Variants in LMX1B observed in about 807,000 individuals in gnomAD.
The protein encoded by LMX1B is LIM homeobox transcription factor 1-beta.
A neutral mutation model predicts 51.4 loss-of-function variants in LMX1B; 12 were observed. That is an observed-to-expected ratio of 0.23 (90% confidence interval 0.15 to 0.38). The LOEUF (loss-of-function observed/expected upper bound fraction) is 0.38. Ranked by LOEUF, LMX1B falls within the 10% of genes least tolerant of loss-of-function variation. The probability of loss-of-function intolerance (pLI) is 1.00; values close to 1 mark genes in which losing one functional copy is unlikely to be tolerated. For synonymous variants in LMX1B, 237 were observed against 235.4 expected, an observed-to-expected ratio of 1.01 and a Z score of -0.06; for missense variants, 445 against 571.1, an observed-to-expected ratio of 0.78 and a Z score of 2.25.
intron 2 of LMX1B, among the ~76,000 whole-genome samples, chr9:126,681,935 CA>C (rs1836682558): frequency 6.6e-6 from 1 of 151,320 alleles, no homozygotes; most frequent in Non-Finnish European, 1.5e-5. Context: ...AATAAAATGC[CA>C]ATCAGATCAC....
intron 2 of LMX1B, among the ~76,000 whole-genome samples, chr9:126,652,007 G>A (rs1190412819): frequency 1.3e-5 from 2 of 151,844 alleles, no homozygotes; most frequent in African/African-American, 4.8e-5. Context: ...AGATGGGGGG[G>A]GGCCTGCCTG....
Position 126,617,691 on chromosome 9 carries a change from G to C in LMX1B, c.326+2122G>C, listed in dbSNP as rs768027885. 7.7e-4 allele frequency among the ~76,000 whole-genome samples: 118 copies of C among 152,272 alleles called. 1 individual carries two copies. The highest frequency in any genetic ancestry group is 8.2e-4 in the Non-Finnish European group (56 of 68,020). On this transcript the variant is annotated intron_variant, in intron 2 of 7. Transcript: ENST00000373474. The stretch of plus-strand genomic sequence containing the variant: ...AAAGGAAAGAGTCACCTAACAGCCA[G>C]CTTCTTCAGTGCAGTCCGGTGTGTT...
Position 126,696,542 on chromosome 9 carries a change from G to A in LMX1B, c.*91G>A, listed in dbSNP as rs1465177691. ...CCTGGCCACCCCCGCCCTGCTCTCCGCACAGACTACAGACAGCCATACGGT... is the reference window on the plus strand; with the variant it reads ...CCTGGCCACCCCCGCCCTGCTCTCCACACAGACTACAGACAGCCATACGGT... On this transcript the variant is annotated 3_prime_UTR_variant, in exon 8 of 8. Transcript: ENST00000373474. The A allele has an allele frequency of 2.9e-5, 42 of 1,470,998 alleles. No individual in the cohort carries two copies. Among genetic ancestry groups the A allele is most frequent in the Middle Eastern group, 1.7e-4 (1 of 5,722 alleles). The allele number at this position is 1,470,998 out of a possible 1,614,324, so 91.1% of individuals were successfully genotyped here.
rs1835294331 is a variant in LMX1B, at chr9:126,615,849, T to A, written c.326+280T>A. Among the ~76,000 whole-genome samples, 1 of 152,188 alleles carries A rather than the reference T, an allele frequency of 6.6e-6. No homozygotes were observed. The highest frequency in any genetic ancestry group is 6.5e-5 in the Admixed American group (1 of 15,288). Reference sequence around the variant, plus strand: ...GCCGAGGGATTTGGTGCCTGGGTCCTGGGATATAGGGTCTGGCGCTACGGA... The same window carrying A: ...GCCGAGGGATTTGGTGCCTGGGTCCAGGGATATAGGGTCTGGCGCTACGGA... On this transcript the variant is annotated intron_variant, in intron 2 of 7. Transcript: ENST00000373474. This position sits in a 1 kb window ranked among gnomAD's most constrained non-coding sequence, Gnocchi z 6.0.
At chr9:126,616,148 T>A (rs751977284) in intron 2 of LMX1B, among the ~76,000 whole-genome samples, 1 of 152,222 alleles carries the variant, frequency 6.6e-6, no homozygotes, top group Non-Finnish European at 1.5e-5. Flanking sequence ...ATTTTGCACT[T>A]GCAGTTTTCT....
intron 2 of LMX1B, among the ~76,000 whole-genome samples, chr9:126,683,991 G>T (rs113024851): frequency 6.6e-6 from 1 of 152,168 alleles, no homozygotes; most frequent in African/African-American, 2.4e-5. Flanking sequence ...ATCCAAGCAC[G>T]TGTCCTACGG....
chr9:126,684,595 C>T, intron 2 of LMX1B, among the ~76,000 whole-genome samples: 1 of 152,174 alleles, frequency 6.6e-6, no homozygotes, highest in East Asian at 1.9e-4. Context: ...GCAGCCACAC[C>T]TGAAGATGGA....
rs1835274404 is a variant in LMX1B at position 126,615,016 on chromosome 9, C to A, written c.140-367C>A. Among the ~76,000 whole-genome samples, 1 of 152,178 alleles carries A rather than the reference C, an allele frequency of 6.6e-6. No homozygotes were observed. The highest frequency in any genetic ancestry group is 2.4e-5 in the African/African-American group (1 of 41,472). On this transcript the variant is annotated intron_variant, in intron 1 of 7. Transcript: ENST00000373474. This position sits in a 1 kb window ranked among gnomAD's most constrained non-coding sequence, Gnocchi z 6.0. The stretch of plus-strand genomic sequence containing the variant: ...GGGGATAGAAGACCACGAACGCCAC[C>A]GTGGGGCGTGTCAGCCAGCGAGCGC...
chr9:126,648,808 C>A (rs1835949978), intron 2 of LMX1B, among the ~76,000 whole-genome samples: 1 of 152,120 alleles, frequency 6.6e-6, no homozygotes, highest in Admixed American at 6.5e-5. Flanking sequence ...GGGGCTGTGA[C>A]AGTAGGGACT....
intron 2 of LMX1B, among the ~76,000 whole-genome samples, chr9:126,678,325 AAAAC>A (rs1564164426): frequency 7.8e-4 from 87 of 111,048 alleles, no homozygotes; most frequent in African/African-American, 4.3e-3. Flanking sequence ...AAAAAAACAA[AAAAC>A]AAAAAAAAAA....
intron 2 of LMX1B, among the ~76,000 whole-genome samples, chr9:126,638,206 C>T (rs1428681255): frequency 6.6e-6 from 1 of 152,152 alleles, no homozygotes; most frequent in Non-Finnish European, 1.5e-5. Flanking sequence ...GCAGGTGGGT[C>T]CCGACAGGAA....
At chr9:126,622,098 G>A (rs1209825258) in intron 2 of LMX1B, among the ~76,000 whole-genome samples, 2 of 152,342 alleles carry the variant, frequency 1.3e-5, no homozygotes, top group East Asian at 3.9e-4. Context: ...AAGGGAGGAT[G>A]AGGGGCTGGG....
intron 2 of LMX1B, among the ~76,000 whole-genome samples, chr9:126,624,827 T>G (rs946256987): frequency 2.0e-5 from 3 of 152,070 alleles, no homozygotes; most frequent in African/African-American, 7.2e-5. Context: ...ACTTGGTGCT[T>G]TAAATGCCAA....
intron 2 of LMX1B, among the ~76,000 whole-genome samples, chr9:126,628,749 G>C (rs1208150116): frequency 6.6e-6 from 1 of 152,112 alleles, no homozygotes; most frequent in Non-Finnish European, 1.5e-5. Flanking sequence ...TTTTCCAGGA[G>C]ATTTTTCAGG....
At chr9:126,620,260 C>T (rs193006048) in intron 2 of LMX1B, among the ~76,000 whole-genome samples, 1 of 152,284 alleles carries the variant, frequency 6.6e-6, no homozygotes, top group East Asian at 1.9e-4. Context: ...TTGCCTTCCT[C>T]AGCCATGAAA....
intron 2 of LMX1B, among the ~76,000 whole-genome samples, chr9:126,617,365 C>G (rs1835322740): frequency 6.6e-6 from 1 of 151,838 alleles, no homozygotes; most frequent in Non-Finnish European, 1.5e-5. Context: ...CTAAAACCGG[C>G]CTCCAAATCA....
chr9:126,642,254 C>A (rs745428377), intron 2 of LMX1B, among the ~76,000 whole-genome samples: 123 of 152,276 alleles, frequency 8.1e-4, no homozygotes, highest in Admixed American at 1.6e-3. Context: ...CCTGTGAGTG[C>A]ATATGTGTGT....
Position 126,626,591 on chromosome 9 carries a change from T to C in LMX1B, c.326+11022T>C, listed in dbSNP as rs1835536333. Among the ~76,000 whole-genome samples the C allele has an allele frequency of 6.6e-6, 1 of 152,058 alleles. No homozygotes were observed. The highest frequency in any genetic ancestry group is 2.1e-4 in the South Asian group (1 of 4,818). On this transcript the variant is annotated intron_variant, in intron 2 of 7. Transcript: ENST00000373474. This position sits in a 1 kb window ranked among gnomAD's most constrained non-coding sequence, Gnocchi z 4.3. ...CCCGGCTCAGTCGGCAACCGGCCCTTCCTTCCAGGTCAGGGGTGGGGGAGA... is the reference window on the plus strand; with the variant it reads ...CCCGGCTCAGTCGGCAACCGGCCCTCCCTTCCAGGTCAGGGGTGGGGGAGA...
chr9:126,634,706 C>T (rs2118867686), intron 2 of LMX1B, among the ~76,000 whole-genome samples: 1 of 152,284 alleles, frequency 6.6e-6, no homozygotes, highest in Non-Finnish European at 1.5e-5. Flanking sequence ...TTCCTACTGT[C>T]CAGGTTGTTG....
Sources: gnomAD v4.1 joint callset for allele counts (sites outside exome capture counted in the v4.1 genomes callset) on GRCh38, gnomAD v4.1.1 for gene constraint, Gnocchi (gnomAD v3.1) non-coding constraint, MANE v1.5 for transcripts, NCBI Gene and HGNC (gene_info 2026-07-23, HGNC 2026-07-21) for gene names.